The following PI4KA variants were observed in gnomAD, a reference collection of about 807,000 sequenced individuals.
The protein encoded by PI4KA is PI4-kinase alpha.
In PI4KA, 122 loss-of-function variants were observed where a neutral mutation model predicts 271.4. The observed-to-expected ratio is 0.45, with a 90% CI of 0.39 to 0.52. The LOEUF is 0.52. PI4KA is among the 20% of genes least tolerant of loss of function. The probability of loss-of-function intolerance (pLI) is 0.00; values close to 1 mark genes in which losing one functional copy is unlikely to be tolerated. For synonymous variants in PI4KA, 1,041 were observed against 1,078.8 expected, an observed-to-expected ratio of 0.96 and a Z score of 0.69; for missense variants, 1,969 against 2,769.1, an observed-to-expected ratio of 0.71 and a Z score of 6.48.
chr22:20,825,981 G>A (rs935170329), intron 3 of PI4KA, among the ~76,000 whole-genome samples: 11 of 152,258 alleles, frequency 7.2e-5, no homozygotes, highest in East Asian at 3.9e-4. Flanking sequence ...AACATGCAGC[G>A]TTTGGTTTCC....
chr22:20,815,379 C>CAAAAAAAAAAAAAA (rs361826), intron 7 of PI4KA, among the ~76,000 whole-genome samples: 27 of 83,898 alleles, frequency 3.2e-4, no homozygotes, highest in East Asian at 6.6e-4. Flanking sequence ...GACTGCGTCT[C>CAAAAAAAAAAAAAA]AAAAAAAAAA....
intron 19 of PI4KA, among the ~76,000 whole-genome samples, chr22:20,772,088 T>C (rs1932899031): frequency 6.6e-6 from 1 of 152,248 alleles, no homozygotes; most frequent in Non-Finnish European, 1.5e-5. Flanking sequence ...TAACCTCATT[T>C]AATTTTCTCA....
At chr22:20,782,760 C>T (rs1008909664) in intron 19 of PI4KA, among the ~76,000 whole-genome samples, 12 of 152,146 alleles carry the variant, frequency 7.9e-5, no homozygotes, top group Admixed American at 3.9e-4. Flanking sequence ...TTGCTAAACA[C>T]CCTACCATGC....
intron 10 of PI4KA, among the ~76,000 whole-genome samples, chr22:20,806,463 A>G (rs991819131): frequency 1.3e-5 from 2 of 152,040 alleles, no homozygotes; most frequent in Non-Finnish European, 2.9e-5. Flanking sequence ...TGAGGCCAGG[A>G]GTTCAAGACC....
At chr22:20,749,300 T>C (rs1930431347) in intron 28 of PI4KA, among the ~76,000 whole-genome samples, 2 of 152,136 alleles carry the variant, frequency 1.3e-5, no homozygotes, top group African/African-American at 2.4e-5. Context: ...GCACACCCAC[T>C]CTCTGCTAAC....
At chr22:20,805,224 T>C (rs1935580924) in intron 10 of PI4KA, 59 bp from the exon 11 acceptor site, 11 of 1,216,650 alleles carry the variant, frequency 9.0e-6, no homozygotes, top group African/African-American at 3.0e-5. Flanking sequence ...ACACAGGCAG[T>C]GCTAGCAGCG....
intron 3 of PI4KA, among the ~76,000 whole-genome samples, chr22:20,827,340 C>T (rs1201670552): frequency 1.3e-5 from 2 of 152,114 alleles, no homozygotes; most frequent in African/African-American, 4.8e-5. Flanking sequence ...TTTGTTGACT[C>T]TGTTGAAGAT....
chr22:20,839,802 A>G (rs1365379004), intron 1 of PI4KA, among the ~76,000 whole-genome samples: 1 of 150,808 alleles, frequency 6.6e-6, no homozygotes, highest in East Asian at 2.0e-4. Context: ...TGCACTCTCC[A>G]GCCTGGGCGA....
At chr22:20,817,826 A>T (rs2147683515) in intron 7 of PI4KA, among the ~76,000 whole-genome samples, 1 of 149,702 alleles carries the variant, frequency 6.7e-6, no homozygotes, top group East Asian at 2.0e-4. Context: ...ACTTAATGTC[A>T]TTAAAAAAAA....
chr22:20,820,017 A>C, intron 5 of PI4KA, 117 bp from the exon 6 acceptor site: 1 of 929,572 alleles, frequency 1.1e-6, no homozygotes, highest in Non-Finnish European at 1.7e-6. Flanking sequence ...ATAACTGTGA[A>C]GGTTCACAAT....
intron 23 of PI4KA, among the ~76,000 whole-genome samples, chr22:20,756,935 T>C (rs763654376): frequency 3.3e-5 from 5 of 152,088 alleles, no homozygotes; most frequent in African/African-American, 4.8e-5. Flanking sequence ...GGCCCTAAGG[T>C]AAGTAAGATT....
At chr22:20,798,204 C>G (rs1003955411) in intron 17 of PI4KA, among the ~76,000 whole-genome samples, 1 of 152,148 alleles carries the variant, frequency 6.6e-6, no homozygotes, top group Non-Finnish European at 1.5e-5. Context: ...ACCCTAACAT[C>G]CAAGCTAGAG....
chr22:20,781,835 C>A (rs1797992022), intron 19 of PI4KA, among the ~76,000 whole-genome samples: 1 of 152,200 alleles, frequency 6.6e-6, no homozygotes, highest in South Asian at 2.1e-4. Flanking sequence ...GTTTGTGTGA[C>A]CTCAGACAAG....
chr22:20,765,076 T>TA (rs1932399112), intron 21 of PI4KA, 24 bp downstream of exon 21: 1 of 1,603,322 alleles, frequency 6.2e-7, no homozygotes, highest in African/African-American at 1.3e-5. Context: ...GAGAGCATGG[T>TA]AAAAATGAGA....
At chr22:20,745,663 T>C (rs1391392309) in intron 29 of PI4KA, among the ~76,000 whole-genome samples, 2 of 152,174 alleles carry the variant, frequency 1.3e-5, no homozygotes, top group African/African-American at 4.8e-5. Flanking sequence ...AATGCGGTCT[T>C]TGGCACCAAG....
rs1266505000 is a variant in PI4KA at position 20,717,102 on chromosome 22, C to T, written c.5317+606G>A. ...CCACTAAAAATACAAAAAAATTAGC[C>T]GGGTGTGGTGGCGGGTGCCTGCAGT... On this transcript the variant is annotated intron_variant, in intron 45 of 54. Transcript: ENST00000255882. 3.3e-5 allele frequency among the ~76,000 whole-genome samples: 5 copies of T among 152,068 alleles called. No individual in the cohort carries two copies. In the East Asian group the frequency reaches 7.7e-4, roughly 24 times the overall value.
chr22:20,822,368 A>G (rs984195340), intron 4 of PI4KA, among the ~76,000 whole-genome samples: 1 of 133,562 alleles, frequency 7.5e-6, no homozygotes, highest in African/African-American at 3.0e-5. Flanking sequence ...GATGAGGAAG[A>G]TACCTAAGTC....
chr22:20,755,664 G>A (rs534159268), intron 23 of PI4KA, among the ~76,000 whole-genome samples: 21 of 152,124 alleles, frequency 1.4e-4, no homozygotes, highest in African/African-American at 3.9e-4. Context: ...AGCTGGGCAC[G>A]GTGGTGCACA....
intron 23 of PI4KA, among the ~76,000 whole-genome samples, chr22:20,758,459 CTTTTTTT>C (rs35401829): frequency 7.1e-5 from 6 of 85,020 alleles, no homozygotes; most frequent in African/African-American, 1.4e-4. Context: ...TCTTTCTTTT[CTTTTTTT>C]TTTTTTTTTT....
Sources: allele counts gnomAD v4.1 joint callset (sites outside exome capture counted in the v4.1 genomes callset), GRCh38; gene constraint gnomAD v4.1.1; transcripts MANE v1.5; gene names NCBI Gene and HGNC (gene_info 2026-07-23, HGNC 2026-07-21).